The following UBE2G2 variants were observed in gnomAD, a reference collection of about 807,000 sequenced individuals.
UBE2G2 encodes ubiquitin conjugating enzyme E2 G2, also known as ubiquitin-conjugating enzyme E2 G2.
Under a neutral mutation model 23.0 loss-of-function variants are expected in UBE2G2, and 10 were observed. The ratio of observed to expected loss-of-function variants is 0.43; its 90% CI spans 0.27 to 0.74. UBE2G2 has a LOEUF of 0.74. Among genes scored for constraint, UBE2G2 ranks in the 30% least tolerant of loss-of-function variants. The pLI, the probability that UBE2G2 is intolerant of heterozygous loss-of-function variation, is 0.19. For synonymous variants in UBE2G2, 86 were observed against 81.3 expected (o/e 1.06, Z -0.31); for missense variants, 150 against 218.3 (o/e 0.69, Z 1.97).
In UBE2G2 at chr21:44,801,756, C is replaced by G. The variant is rs1439652634; in HGVS notation, c.-8G>C. On this transcript the variant is annotated 5_prime_UTR_variant, in exon 1 of 6. Coordinates refer to ENST00000345496, the MANE Select transcript of UBE2G2 (RefSeq NM_003343.6). ...GAGCGCGGTCCCCGCCATGGCCCCG[C>G]AACAGCTGCGCCGAGCGACCTCGCC... 1.3e-6 allele frequency: 2 copies of G among 1,518,820 alleles called. No individual in the cohort carries two copies. Among genetic ancestry groups the G allele is most frequent in the East Asian group, 2.8e-5 (1 of 36,344 alleles). 94.1% of individuals were successfully genotyped at this position (1,518,820 alleles called of 1,614,324 possible). A position where few individuals can be genotyped will look rare whatever the true frequency, so the allele number is the denominator to read the frequency against.
rs1372251241 is a variant in UBE2G2, at chr21:44,771,697, TTC to T, written c.386-210_386-209del. ...GAAAGCCACTCTCATGACTCCTGCGTTCTGAGTGTCTGAAGACACCAGGACAA... is the reference window on the plus strand; with the variant it reads ...GAAAGCCACTCTCATGACTCCTGCGTTGAGTGTCTGAAGACACCAGGACAA... On this transcript the variant is annotated intron_variant, in intron 5 of 5. Transcript: ENST00000345496. This position sits in a 1 kb window ranked among gnomAD's most constrained non-coding sequence, Gnocchi z 4.6. Among the ~76,000 whole-genome samples the T allele has an allele frequency of 2.0e-5, 3 of 152,128 alleles. No individual in the cohort carries two copies. Among genetic ancestry groups the T allele is most frequent in the Non-Finnish European group, 4.4e-5 (3 of 68,042 alleles).
At chr21:44,773,884 C>T in intron 4 of UBE2G2, 197 bp from the exon 5 acceptor site, 2 of 663,876 alleles carry the variant, frequency 3.0e-6, no homozygotes, top group Non-Finnish European at 2.4e-6. Flanking sequence ...TGCTCACTCA[C>T]TGACAGGCTC....
At chr21:44,797,195 G>A (rs147655044) in intron 1 of UBE2G2, among the ~76,000 whole-genome samples, 3 of 152,294 alleles carry the variant, frequency 2.0e-5, no homozygotes, top group Non-Finnish European at 2.9e-5. Context: ...ACACACTTCC[G>A]TGACAAACCT....
chr21:44,784,412 T>C (rs1342495457), intron 3 of UBE2G2, among the ~76,000 whole-genome samples: 1 of 121,930 alleles, frequency 8.2e-6, no homozygotes, highest in Non-Finnish European at 1.8e-5. Context: ...GTTTCCTTTT[T>C]TATTATTATT....
chr21:44,783,399 T>C (rs900532237), intron 3 of UBE2G2, among the ~76,000 whole-genome samples: 14 of 152,194 alleles, frequency 9.2e-5, no homozygotes, highest in African/African-American at 3.1e-4. Flanking sequence ...ACCCCAGCAA[T>C]TCCACACCTC....
intron 1 of UBE2G2, among the ~76,000 whole-genome samples, chr21:44,794,426 T>C (rs868934025): frequency 6.6e-6 from 1 of 152,232 alleles, no homozygotes; most frequent in South Asian, 2.1e-4. Flanking sequence ...GAGAAAATCC[T>C]ACTGCCACCT....
rs185482144 is a variant in UBE2G2, at chr21:44,770,770, C to T, written c.*607G>A. ...CCCCATTTCTTATTAATTCACACTT[C>T]AAAAAAGCATTTCCTGGAAGTATTT... On this transcript the variant is annotated 3_prime_UTR_variant, in exon 6 of 6. Transcript: ENST00000345496. 2.0e-5 allele frequency: 3 copies of T among 152,172 alleles called. No homozygotes were observed. The highest frequency in any genetic ancestry group is 2.0e-4 in the Admixed American group (3 of 15,296). 9.4% of individuals were successfully genotyped at this position (152,172 alleles called of 1,614,324 possible).
At chr21:44,788,838 G>A (rs966444626) in intron 1 of UBE2G2, among the ~76,000 whole-genome samples, 3 of 151,188 alleles carry the variant, frequency 2.0e-5, no homozygotes, top group Admixed American at 2.0e-4. Flanking sequence ...GAAACCAAAA[G>A]GTGGTTCTTT....
chr21:44,797,978 AT>A (rs2083107107), intron 1 of UBE2G2, among the ~76,000 whole-genome samples: 1 of 152,010 alleles, frequency 6.6e-6, no homozygotes, highest in Non-Finnish European at 1.5e-5. Flanking sequence ...CCCTGACAAC[AT>A]AGAGGGAGGT....
At chr21:44,773,912 T>C (rs2082893782) in intron 4 of UBE2G2, 1 of 511,134 alleles carries the variant, frequency 2.0e-6, no homozygotes, top group Non-Finnish European at 3.3e-6. Context: ...ACCCAGCCAG[T>C]TCTAATCAGC....
Position 44,787,934 on chromosome 21 carries a change from C to T in UBE2G2, c.111G>A (p.Trp37Ter). ...GPMNEENFFE[W>*]EALIMGPEDT... ...AATTAACTTACATGATCAATGCCTC[C>T]CATTCAAAAAAGTTCTCTTCATTCA... Residue 37 changes from tryptophan to a stop codon, truncating the protein, a stop_gained, in exon 3 of 6, where the codon TGG becomes TGA. Coordinates refer to ENST00000345496, the MANE Select transcript of UBE2G2 (RefSeq NM_003343.6). LOFTEE classifies it high-confidence loss of function. The T allele has an allele frequency of 3.7e-6, 6 of 1,613,750 alleles. No individual in the cohort carries two copies. The highest frequency in any genetic ancestry group is 4.2e-6 in the Non-Finnish European group (5 of 1,179,894).
chr21:44,778,753 A>C (rs1238857488), intron 3 of UBE2G2, among the ~76,000 whole-genome samples: 2 of 152,218 alleles, frequency 1.3e-5, no homozygotes, highest in African/African-American at 4.8e-5. Flanking sequence ...TCAGATCAAT[A>C]AATAGGTCAG....
intron 4 of UBE2G2, chr21:44,776,684 T>C (rs2078620600): frequency 6.6e-6 from 1 of 152,304 alleles, no homozygotes; most frequent in Non-Finnish European, 1.5e-5. Context: ...GTTCTCGTGA[T>C]AGTGTACAAG....
chr21:44,780,590 C>T (rs1555961205), intron 3 of UBE2G2, among the ~76,000 whole-genome samples: 2 of 152,202 alleles, frequency 1.3e-5, no homozygotes, highest in Non-Finnish European at 2.9e-5. Context: ...ATCATAATGA[C>T]CCTGCACTCT....
intron 1 of UBE2G2, chr21:44,801,229 G>A: frequency 1.3e-6 from 1 of 757,906 alleles, no homozygotes; most frequent in Non-Finnish European, 1.6e-6. Flanking sequence ...AGGAGTGACA[G>A]GTGGCACTGT....
intron 3 of UBE2G2, among the ~76,000 whole-genome samples, chr21:44,787,235 A>T (rs2083003589): frequency 1.3e-5 from 2 of 152,366 alleles, no homozygotes; most frequent in South Asian, 2.1e-4. Flanking sequence ...GGTAGAAAGA[A>T]GAAAAAGCAA....
Position 44,771,111 on chromosome 21 carries a change from A to C in UBE2G2, c.*266T>G. 2.4e-6 allele frequency: 1 copy of C among 409,936 alleles called. No individual in the cohort carries two copies. Among genetic ancestry groups the C allele is most frequent in the Non-Finnish European group, 4.4e-6 (1 of 226,482 alleles). The allele number at this position is 409,936 out of a possible 1,614,324, so 25.4% of individuals were successfully genotyped here. On this transcript the variant is annotated 3_prime_UTR_variant, in exon 6 of 6. Transcript: ENST00000345496. The surrounding 1 kb of genome is among the most constrained non-coding windows in gnomAD (Gnocchi z 4.6). ...ACTGCTGGTTTCAGCGGGGAGAGGT[A>C]GTGCTGACAGCTCTGATAATCTACC...
At chr21:44,795,010 G>A (rs1035150170) in intron 1 of UBE2G2, among the ~76,000 whole-genome samples, 1 of 152,102 alleles carries the variant, frequency 6.6e-6, no homozygotes, top group Non-Finnish European at 1.5e-5. Context: ...GCTCATGCCC[G>A]TAAATCCCAG....
At chr21:44,785,982 A>G (rs1477238772) in intron 3 of UBE2G2, among the ~76,000 whole-genome samples, 1 of 152,236 alleles carries the variant, frequency 6.6e-6, no homozygotes, top group East Asian at 1.9e-4. Context: ...AGTTACCCTA[A>G]TCGATTTTTA....
Sources: gnomAD v4.1 joint callset for allele counts (sites outside exome capture counted in the v4.1 genomes callset) on GRCh38, gnomAD v4.1.1 for gene constraint, Gnocchi (gnomAD v3.1) non-coding constraint, MANE v1.5 for transcripts, NCBI Gene and HGNC (gene_info 2026-07-23, HGNC 2026-07-21) for gene names.